The following CIT variants were observed in gnomAD, a reference collection of about 807,000 sequenced individuals.
CIT encodes the protein citron Rho-interacting kinase.
Under a neutral mutation model 272.7 loss-of-function variants are expected in CIT, and 79 were observed. The ratio of observed to expected loss-of-function variants is 0.29; its 90% CI spans 0.24 to 0.35. CIT has a LOEUF of 0.35. CIT is among the 10% of genes least tolerant of loss of function. The probability of loss-of-function intolerance (pLI) is 1.00; values close to 1 mark genes in which losing one functional copy is unlikely to be tolerated. For missense variants in CIT, 1,909 were observed against 2,618.3 expected (o/e 0.73, Z 5.91); for synonymous variants, 948 against 995.6 (o/e 0.95, Z 0.90).
chr12:119,692,328 A>G (rs898621847), intron 46 of CIT, among the ~76,000 whole-genome samples: 27 of 152,224 alleles, frequency 1.8e-4, no homozygotes, highest in African/African-American at 6.5e-4. Context: ...TGTTTTCCCA[A>G]AGGACTATCT....
At chr12:119,829,402 A>AAGAGAAGAGCAGAGC (rs1195057367) in intron 7 of CIT, among the ~76,000 whole-genome samples, 4 of 150,176 alleles carry the variant, frequency 2.7e-5, no homozygotes, top group African/African-American at 9.8e-5. Context: ...AAGAGAAGAG[A>AAGAGAAGAGCAGAGC]AGAGCTTACA....
intron 3 of CIT, among the ~76,000 whole-genome samples, chr12:119,867,010 GAAGA>G (rs1044532444): frequency 6.6e-6 from 1 of 152,022 alleles, no homozygotes; most frequent in Non-Finnish European, 1.5e-5. Context: ...GAAACTTCAT[GAAGA>G]GAGAGAGGCC....
At chr12:119,847,966 CAG>C (rs1969936598) in intron 5 of CIT, among the ~76,000 whole-genome samples, 1 of 152,150 alleles carries the variant, frequency 6.6e-6, no homozygotes, top group Admixed American at 6.6e-5. Context: ...GCTTATGATG[CAG>C]AGAGCACAAG....
At chr12:119,724,864 A>G (rs1957998456) in intron 28 of CIT, among the ~76,000 whole-genome samples, 1 of 130,294 alleles carries the variant, frequency 7.7e-6, no homozygotes, top group Non-Finnish European at 1.6e-5. Context: ...TGAACCCGGG[A>G]GGCAGAGCTT....
At position 119,718,409 on chromosome 12, in the gene CIT, G is replaced by A. The variant is rs1045128592; in HGVS notation, c.4004C>T (p.Ala1335Val). The part of the protein sequence containing the change: ...RIELRSAREE[A>V]AHRKATDHPH... ...GTGGTCCGTTGCTTTGCGGTGGGCA[G>A]CTGCAGAGAGACCAGGACAATGCCT... The change falls in exon 32 of 48, where the codon GCT becomes GTT. Residue 1335 changes from alanine (A) to valine (V), a missense_variant and splice_region_variant. Around this residue, in one of 8 missense-constraint regions of CIT, gnomAD observed 780 missense variants for 1,067.2 expected, o/e 0.73. Coordinates refer to ENST00000392521, the MANE Select transcript of CIT (RefSeq NM_001206999.2). This position sits in a 1 kb window ranked among gnomAD's most constrained non-coding sequence, Gnocchi z 4.8. 7.5e-6 allele frequency: 12 copies of A among 1,609,970 alleles called. No individual in the cohort carries two copies. The Admixed American group carries it at 1.3e-4, about 18-fold the overall frequency.
chr12:119,751,954 G>C, intron 23 of CIT, 96 bp downstream of exon 23: 1 of 1,116,616 alleles, frequency 9.0e-7, no homozygotes, highest in Non-Finnish European at 1.2e-6. Flanking sequence ...TTCCCTCCTG[G>C]AATTTCTAAG....
intron 10 of CIT, among the ~76,000 whole-genome samples, chr12:119,797,658 C>CTT (rs2137827690): frequency 6.6e-6 from 1 of 152,338 alleles, no homozygotes; most frequent in South Asian, 2.1e-4. Flanking sequence ...AGGCAAGACT[C>CTT]TTTCCAATAG....
intron 32 of CIT, among the ~76,000 whole-genome samples, chr12:119,717,838 C>CTTTTTTGTTTTTTTTTTTTT (rs1957601149): frequency 1.2e-5 from 1 of 81,332 alleles, no homozygotes; most frequent in Non-Finnish European, 2.3e-5. Flanking sequence ...TGACTTCTTT[C>CTTTTTTGTTTTTTTTTTTTT]TTTTTTTTTT....
At chr12:119,863,846 G>GAAA (rs111497376) in intron 3 of CIT, among the ~76,000 whole-genome samples, 1 of 108,796 alleles carries the variant, frequency 9.2e-6, no homozygotes. Context: ...TTTAAACATA[G>GAAA]AAAAAAAAAA....
At chr12:119,731,143 A>C (rs1480778824) in intron 26 of CIT, among the ~76,000 whole-genome samples, 1 of 151,928 alleles carries the variant, frequency 6.6e-6, no homozygotes, top group Non-Finnish European at 1.5e-5. Flanking sequence ...AAACAAAAAC[A>C]AAAACAAAGT....
intron 19 of CIT, among the ~76,000 whole-genome samples, chr12:119,766,002 C>T (rs1313756766): frequency 2.0e-5 from 3 of 152,044 alleles, no homozygotes; most frequent in Non-Finnish European, 2.9e-5. Flanking sequence ...TGTCCATCAG[C>T]GGATGAATGG....
chr12:119,702,067 T>C (rs1956615722), intron 41 of CIT, 109 bp from the exon 42 acceptor site: 1 of 786,856 alleles, frequency 1.3e-6, no homozygotes, highest in South Asian at 1.5e-5. Flanking sequence ...TGGAGAACAT[T>C]GTCACCAAGC....
intron 8 of CIT, among the ~76,000 whole-genome samples, chr12:119,823,992 T>C (rs1184332465): frequency 7.2e-6 from 1 of 138,438 alleles, no homozygotes; most frequent in Non-Finnish European, 1.5e-5. Context: ...TGAGCCGATA[T>C]TGTGCCACTG....
chr12:119,782,629 C>T lies in CIT; in HGVS notation c.1554G>A (p.Lys518=), dbSNP rs772455874. Residue 518 remains lysine (K), a synonymous_variant, in exon 13 of 48, where the codon AAG becomes AAA. Transcript: ENST00000392521. ...CCATCCGTGCTTGCTCCAAACTTCG[C>T]TTTAAGCTCTGCAGAAAGCAAAAAT... The part of the protein sequence containing the change: ...ATYITECSSL[K]RSLEQARMEV... 3.7e-6 allele frequency: 6 copies of T among 1,614,102 alleles called. No homozygotes were observed. Among genetic ancestry groups the T allele is most frequent in the Middle Eastern group, 1.6e-4 (1 of 6,062 alleles).
At chr12:119,731,252 A>G (rs1022928540) in intron 26 of CIT, among the ~76,000 whole-genome samples, 1 of 152,144 alleles carries the variant, frequency 6.6e-6, no homozygotes, top group African/African-American at 2.4e-5. Flanking sequence ...AGGTGGGCAG[A>G]TCACCTGAGG....
chr12:119,841,597 C>T (rs1191757105), intron 5 of CIT, among the ~76,000 whole-genome samples: 3 of 152,198 alleles, frequency 2.0e-5, no homozygotes, highest in Non-Finnish European at 4.4e-5. Context: ...AGTAAATTCC[C>T]AGTCTCCTTA....
chr12:119,774,312 A>G (rs1326838837), intron 16 of CIT, among the ~76,000 whole-genome samples: 1 of 152,186 alleles, frequency 6.6e-6, no homozygotes, highest in African/African-American at 2.4e-5. Flanking sequence ...CAATTTTAAA[A>G]AAGAAGAAGG....
chr12:119,735,617 G>C (rs1958708933), intron 24 of CIT, among the ~76,000 whole-genome samples: 1 of 152,158 alleles, frequency 6.6e-6, no homozygotes, highest in Non-Finnish European at 1.5e-5. Flanking sequence ...GCAATCAAAA[G>C]TAATCACTGC....
At chr12:119,790,835 T>C (rs1965245876) in intron 10 of CIT, among the ~76,000 whole-genome samples, 1 of 152,174 alleles carries the variant, frequency 6.6e-6, no homozygotes, top group Non-Finnish European at 1.5e-5. Flanking sequence ...TAGTGCCAAC[T>C]TGAGAAACTC....
Sources: allele counts gnomAD v4.1 joint callset (sites outside exome capture counted in the v4.1 genomes callset), GRCh38; gene constraint gnomAD v4.1.1; regional missense constraint gnomAD v4.1.1; non-coding constraint Gnocchi (gnomAD v3.1); transcripts MANE v1.5; gene names NCBI Gene and HGNC (gene_info 2026-07-23, HGNC 2026-07-21).